DCBLD2: variants seen among roughly 807,000 people sequenced by gnomAD.
DCBLD2 encodes the protein discoidin, CUB and LCCL domain-containing protein 2.
A neutral mutation model predicts 86.8 loss-of-function variants in DCBLD2; 54 were observed. That is an observed-to-expected ratio of 0.62 (90% CI 0.50 to 0.78). DCBLD2 has a LOEUF of 0.78. DCBLD2 is among the 30% of genes least tolerant of loss of function. The pLI, the probability that DCBLD2 is intolerant of heterozygous loss-of-function variation, is 0.00. For missense variants in DCBLD2, 908 were observed against 954.2 expected, an observed-to-expected ratio of 0.95 and a Z score of 0.64; for synonymous variants, 354 against 341.3, an observed-to-expected ratio of 1.04 and a Z score of -0.41.
rs1360048809 is a variant in DCBLD2 at position 98,819,215 on chromosome 3, T to C, written c.1074A>G (p.Glu358=). ...YQWLQIDLNK[E]KKITGIITTG... ...TTGTCTCTTAACCTGTTATTTTCTT[T>C]TCCTTATTCAAATCTATTTGTAACC... The change falls in exon 8 of 16, where the codon GAA becomes GAG. Residue 358 remains glutamate, a synonymous_variant. Transcript: ENST00000326840. 3 of 1,569,322 alleles carry C rather than the reference T, an allele frequency of 1.9e-6. No individual in the cohort carries two copies. The highest frequency in any genetic ancestry group is 1.9e-4 in the Middle Eastern group (1 of 5,192).
At chr3:98,870,793 GAA>G (rs1295660710) in intron 2 of DCBLD2, among the ~76,000 whole-genome samples, 1 of 150,946 alleles carries the variant, frequency 6.6e-6, no homozygotes, top group Non-Finnish European at 1.5e-5. Context: ...AAGAAAGAAA[GAA>G]AGAAAGAAAG....
intron 1 of DCBLD2, among the ~76,000 whole-genome samples, chr3:98,882,285 T>G (rs1400489845): frequency 6.6e-6 from 1 of 152,148 alleles, no homozygotes; most frequent in Non-Finnish European, 1.5e-5. Context: ...CATATACATG[T>G]TATAATAAAT....
chr3:98,819,251 A>G lies in DCBLD2; in HGVS notation c.1038T>C (p.Asp346=). ...AATCTATTTGTAACCACTGGTATTC[A>G]TCAGTGGCAAAAGCAGCCCAAGGCG... ...PGPPWAAFAT[D]EYQWLQIDLN... The change falls in exon 8 of 16, where the codon GAT becomes GAC. Residue 346 remains aspartate (D), a synonymous_variant. Coordinates refer to ENST00000326840, the MANE Select transcript of DCBLD2 (RefSeq NM_080927.4). 6.2e-7 allele frequency: 1 copy of G among 1,607,770 alleles called. No individual in the cohort carries two copies. The highest frequency in any genetic ancestry group is 1.1e-5 in the South Asian group (1 of 90,140).
intron 2 of DCBLD2, among the ~76,000 whole-genome samples, chr3:98,864,723 A>T (rs1354699728): frequency 6.6e-6 from 1 of 152,088 alleles, no homozygotes; most frequent in African/African-American, 2.4e-5. Flanking sequence ...TGGAGGGGGG[A>T]GAGAAAGCAT....
intron 2 of DCBLD2, among the ~76,000 whole-genome samples, chr3:98,876,570 G>C (rs79067421): frequency 0.016 from 2,491 of 152,138 alleles, 54 homozygotes; most frequent in African/African-American, 0.056. Flanking sequence ...AACACACTTT[G>C]TTGGGAAGGC....
At chr3:98,890,518 A>C (rs1291072894) in intron 1 of DCBLD2, 1 of 152,046 alleles carries the variant, frequency 6.6e-6, no homozygotes. Context: ...TGCCCTAGGA[A>C]ACACACAGAT....
Position 98,799,365 on chromosome 3 carries a change from A to T in DCBLD2, c.*7T>A. 2 of 1,594,474 alleles carry T rather than the reference A, an allele frequency of 1.3e-6. No individual in the cohort carries two copies. Among genetic ancestry groups the T allele is most frequent in the Non-Finnish European group, 8.5e-7 (1 of 1,169,846 alleles). On this transcript the variant is annotated 3_prime_UTR_variant, in exon 16 of 16. Transcript: ENST00000326840. ...AAAACGATGCTTTGTAAAAAGCAGC[A>T]TCATCTTCAAAGGATTTCTTTAAAA...
chr3:98,845,147 T>C (rs1559783899), intron 3 of DCBLD2, among the ~76,000 whole-genome samples: 1 of 152,124 alleles, frequency 6.6e-6, no homozygotes, highest in East Asian at 1.9e-4. Context: ...ATGAGGTTTA[T>C]AGGTGAAAAT....
chr3:98,895,877 C>T (rs1009266741), intron 1 of DCBLD2, among the ~76,000 whole-genome samples: 2 of 152,212 alleles, frequency 1.3e-5, no homozygotes, highest in Admixed American at 6.5e-5. Flanking sequence ...TACATGCACA[C>T]TCTCTTGAGA....
chr3:98,872,764 G>A (rs1468793962), intron 2 of DCBLD2, among the ~76,000 whole-genome samples: 6 of 151,222 alleles, frequency 4.0e-5, no homozygotes, highest in African/African-American at 1.5e-4. Flanking sequence ...TACCAAACAC[G>A]AAAAGACACT....
At chr3:98,870,815 TAGGC>T in intron 2 of DCBLD2, among the ~76,000 whole-genome samples, 1 of 67,066 alleles carries the variant, frequency 1.5e-5, no homozygotes, top group East Asian at 3.2e-4. Flanking sequence ...GAAAGAAAGG[TAGGC>T]AGGCATTGGT....
At chr3:98,842,102 G>A (rs1942632604) in intron 3 of DCBLD2, among the ~76,000 whole-genome samples, 1 of 152,114 alleles carries the variant, frequency 6.6e-6, no homozygotes, top group East Asian at 1.9e-4. Flanking sequence ...CAAAGTTACT[G>A]TATTATTTAC....
intron 2 of DCBLD2, among the ~76,000 whole-genome samples, chr3:98,854,736 T>C (rs34269725): frequency 0.053 from 8,069 of 152,280 alleles, 275 homozygotes; most frequent in Non-Finnish European, 0.07. Flanking sequence ...TATTTTGGTG[T>C]TATTCTTCTT....
chr3:98,882,492 T>G (rs549827414), intron 1 of DCBLD2, among the ~76,000 whole-genome samples: 1 of 152,106 alleles, frequency 6.6e-6, no homozygotes, highest in Non-Finnish European at 1.5e-5. Flanking sequence ...TACACAGATA[T>G]ACATGTGCCA....
chr3:98,803,553 C>T (rs184683585), intron 13 of DCBLD2, among the ~76,000 whole-genome samples: 3,564 of 152,220 alleles, frequency 0.023, 135 homozygotes, highest in African/African-American at 0.082. Flanking sequence ...TCTTGCCTGA[C>T]TGCCCTGGCC....
chr3:98,882,739 A>T (rs1943494008), intron 1 of DCBLD2, among the ~76,000 whole-genome samples: 2 of 152,212 alleles, frequency 1.3e-5, no homozygotes, highest in African/African-American at 4.8e-5. Flanking sequence ...TGTCCCTGCA[A>T]AGGACATGAA....
chr3:98,849,468 A>T lies in DCBLD2; in HGVS notation c.564T>A (p.Asp188Glu). 2 of 1,613,992 alleles carry T rather than the reference A, an allele frequency of 1.2e-6. No individual in the cohort carries two copies. The highest frequency in any genetic ancestry group is 1.7e-6 in the Non-Finnish European group (2 of 1,179,872). The change falls in exon 3 of 16, where the codon GAT becomes GAA. Residue 188 changes from aspartate to glutamate, a missense_variant. Around this residue, in one of 3 missense-constraint regions of DCBLD2, gnomAD observed 294 missense variants for 256.0 expected, o/e 1.15. Transcript: ENST00000326840. ...GCAAAAGGTGAAAATTACCTTGTTT[A>T]TCTATAACAGAGTATGAGGCCAAAA... ...RGFLASYSVI[D>E]KQDLITCLDT...
At chr3:98,834,054 G>C (rs573997705) in intron 3 of DCBLD2, among the ~76,000 whole-genome samples, 2 of 151,994 alleles carry the variant, frequency 1.3e-5, no homozygotes, top group East Asian at 1.9e-4. Flanking sequence ...TTCCCTGGGT[G>C]GGGGAGGCTC....
At chr3:98,863,300 A>G in intron 2 of DCBLD2, among the ~76,000 whole-genome samples, 1 of 152,222 alleles carries the variant, frequency 6.6e-6, no homozygotes. Flanking sequence ...AAGGTAATTT[A>G]TAGATTCAAT....
Sources: gnomAD v4.1 joint callset for allele counts (sites outside exome capture counted in the v4.1 genomes callset) on GRCh38, gnomAD v4.1.1 for gene constraint, gnomAD v4.1.1 regional missense constraint, MANE v1.5 for transcripts, NCBI Gene and HGNC (gene_info 2026-07-23, HGNC 2026-07-21) for gene names.